Variants in ZNF292 observed in about 807,000 individuals in gnomAD.
ZNF292 encodes the protein zinc finger protein 292.
Under a neutral mutation model 217.9 loss-of-function variants are expected in ZNF292, and 26 were observed. The observed-to-expected ratio is 0.12, with a 90% CI of 0.09 to 0.17. The LOEUF (loss-of-function observed/expected upper bound fraction) is 0.17. Ranked by LOEUF, ZNF292 falls within the 10% of genes least tolerant of loss-of-function variation. The pLI, the probability that ZNF292 is intolerant of heterozygous loss-of-function variation, is 1.00. For synonymous variants in ZNF292, 1,257 were observed against 1,124.1 expected, an observed-to-expected ratio of 1.12 and a Z score of -2.37; for missense variants, 2,904 against 3,175.2, an observed-to-expected ratio of 0.91 and a Z score of 2.05.
intron 5 of ZNF292, chr6:87,233,761 C>T (rs1773765939): frequency 1.6e-6 from 1 of 637,864 alleles, no homozygotes; most frequent in Non-Finnish European, 2.0e-6. Context: ...AATGCTTTGG[C>T]TAAATTGTGG....
intron 5 of ZNF292, among the ~76,000 whole-genome samples, chr6:87,236,947 T>C (rs1773935649): frequency 6.6e-6 from 1 of 152,174 alleles, no homozygotes; most frequent in Admixed American, 6.5e-5. Flanking sequence ...TGTATCCTTG[T>C]GGGGAGTATA....
rs763878316 is a variant in ZNF292, at chr6:87,216,266, T to C, written c.324-33T>C. The C allele has an allele frequency of 2.6e-6, 4 of 1,521,988 alleles. No homozygotes were observed. In the South Asian group the frequency reaches 4.8e-5, roughly 18 times the overall value. 94.3% of individuals were successfully genotyped at this position (1,521,988 alleles called of 1,614,324 possible). A position where few individuals can be genotyped will look rare whatever the true frequency, so the allele number is the denominator to read the frequency against. On this transcript the variant is annotated intron_variant, in intron 2 of 7. Coordinates refer to ENST00000369577, the MANE Select transcript of ZNF292 (RefSeq NM_015021.3). ...ATAATTTCCTTTGAATTTTAATAAT[T>C]ATTCCTCTCCTTACCAACTTTTTGT...
At chr6:87,230,522 A>G (rs1261686819) in intron 4 of ZNF292, among the ~76,000 whole-genome samples, 1 of 152,142 alleles carries the variant, frequency 6.6e-6, no homozygotes, top group Admixed American at 6.5e-5. Flanking sequence ...TCACGAGGTC[A>G]GGATATCAAG....
intron 1 of ZNF292, among the ~76,000 whole-genome samples, chr6:87,161,695 C>T (rs931160990): frequency 7.2e-5 from 11 of 152,196 alleles, no homozygotes; most frequent in African/African-American, 2.7e-4. Flanking sequence ...GGACTATAGG[C>T]GTGAGCCACT....
At chr6:87,186,786 A>G (rs916041280) in intron 1 of ZNF292, among the ~76,000 whole-genome samples, 21 of 152,216 alleles carry the variant, frequency 1.4e-4, no homozygotes, top group Non-Finnish European at 2.6e-4. Flanking sequence ...AGGAAGGATA[A>G]TTTGGAGTGG....
intron 4 of ZNF292, among the ~76,000 whole-genome samples, chr6:87,227,436 G>T: frequency 6.7e-6 from 1 of 148,858 alleles, no homozygotes; most frequent in African/African-American, 2.5e-5. Context: ...ATTTTTAATT[G>T]TGGTAAAAAA....
intron 4 of ZNF292, among the ~76,000 whole-genome samples, chr6:87,225,193 T>C (rs1404210080): frequency 6.6e-6 from 1 of 152,200 alleles, no homozygotes; most frequent in Non-Finnish European, 1.5e-5. Flanking sequence ...TCTTGCCTAT[T>C]TCTTAATTGG....
At position 87,260,790 on chromosome 6, in the gene ZNF292, A is replaced by C. The variant is rs1775537436; in HGVS notation, c.7161A>C (p.Pro2387=). 2 of 1,613,262 alleles carry C rather than the reference A, an allele frequency of 1.2e-6. No homozygotes were observed. Among genetic ancestry groups the C allele is most frequent in the Non-Finnish European group, 8.5e-7 (1 of 1,179,540 alleles). Residue 2387 remains proline (P), a synonymous_variant, in exon 8 of 8, where the codon CCA becomes CCC. Coordinates refer to ENST00000369577, the MANE Select transcript of ZNF292 (RefSeq NM_015021.3). ...ECTSRFVTQY[P]CMIKGCTSVV... ...CAAGCAGATTTGTAACCCAGTATCC[A>C]TGTATGATAAAGGGATGTACTTCAG...
rs904754757 is a variant in ZNF292 at position 87,264,490 on chromosome 6, A to G, written c.*2689A>G. 2.6e-5 allele frequency among the ~76,000 whole-genome samples: 4 copies of G among 152,262 alleles called. No homozygotes were observed. The highest frequency in any genetic ancestry group is 9.6e-5 in the African/African-American group (4 of 41,472). ...GTTGCTGTAGATAATATGAAAGTAC[A>G]ATAATACTATACCTAGGGACATCAG... On this transcript the variant is annotated 3_prime_UTR_variant, in exon 8 of 8. Transcript: ENST00000369577.
At chr6:87,204,903 G>C (rs1176616832) in intron 1 of ZNF292, among the ~76,000 whole-genome samples, 1 of 151,850 alleles carries the variant, frequency 6.6e-6, no homozygotes, top group Non-Finnish European at 1.5e-5. Flanking sequence ...GTCTGAGATT[G>C]GCCTGTGATT....
At position 87,257,799 on chromosome 6, in the gene ZNF292, G is replaced by T; in HGVS notation, c.4170G>T (p.Leu1390=). The T allele has an allele frequency of 6.2e-7, 1 of 1,613,844 alleles. No homozygotes were observed. The highest frequency in any genetic ancestry group is 8.5e-7 in the Non-Finnish European group (1 of 1,179,812). ...CYRAFTNPRS[L]GGHLSKRSYC... ...GGGCTTTTACTAATCCCAGATCACTGGGTGGGCACTTATCCAAGCGATCTT... is the reference window on the plus strand; with the variant it reads ...GGGCTTTTACTAATCCCAGATCACTTGGTGGGCACTTATCCAAGCGATCTT... Residue 1390 remains leucine (L), a synonymous_variant, in exon 8 of 8, where the codon CTG becomes CTT. Coordinates refer to ENST00000369577, the MANE Select transcript of ZNF292 (RefSeq NM_015021.3).
chr6:87,232,855 T>C (rs1178342481), intron 4 of ZNF292, among the ~76,000 whole-genome samples: 1 of 152,114 alleles, frequency 6.6e-6, no homozygotes, highest in Non-Finnish European at 1.5e-5. Context: ...ATGAAAAATA[T>C]ACCATCAGTA....
At position 87,218,685 on chromosome 6, in the gene ZNF292, G is replaced by A. The variant is rs752923565; in HGVS notation, c.492G>A (p.Pro164=). 2.6e-5 allele frequency: 41 copies of A among 1,597,086 alleles called. No homozygotes were observed. The highest frequency in any genetic ancestry group is 4.0e-5 in the African/African-American group (3 of 74,326). The change falls in exon 4 of 8, where the codon CCG becomes CCA. Residue 164 remains proline, a synonymous_variant. Coordinates refer to ENST00000369577, the MANE Select transcript of ZNF292 (RefSeq NM_015021.3). The part of the protein sequence containing the change: ...LAQETGVWKN[P]VLCTILSQEP... ...AAGAGACTGGGGTGTGGAAAAACCC[G>A]GTACTGTGCACTATTCTTTCCCAGG...
At chr6:87,204,849 C>T (rs1000046648) in intron 1 of ZNF292, among the ~76,000 whole-genome samples, 1 of 152,086 alleles carries the variant, frequency 6.6e-6, no homozygotes, top group African/African-American at 2.4e-5. Flanking sequence ...CAGGCGTGAA[C>T]CACTGCGCCT....
At chr6:87,226,719 G>A (rs557624982) in intron 4 of ZNF292, among the ~76,000 whole-genome samples, 3 of 148,182 alleles carry the variant, frequency 2.0e-5, no homozygotes, top group Admixed American at 6.7e-5. Flanking sequence ...TCCCTCTGTC[G>A]CCCAAGCTGG....
At chr6:87,253,367 T>G (rs1465664096) in intron 7 of ZNF292, among the ~76,000 whole-genome samples, 1 of 151,872 alleles carries the variant, frequency 6.6e-6, no homozygotes, top group Non-Finnish European at 1.5e-5. Flanking sequence ...TAGCTGGGAC[T>G]ACAGCTGCAT....
intron 5 of ZNF292, among the ~76,000 whole-genome samples, chr6:87,238,660 TTTTA>T (rs1488940477): frequency 6.6e-6 from 1 of 151,264 alleles, no homozygotes; most frequent in African/African-American, 2.4e-5. Flanking sequence ...TTTTTTATTT[TTTTA>T]TTTCTTTTTG....
rs35541349 is a variant in ZNF292, at chr6:87,261,934, GA to G, written c.*143del. 307 of 539,276 alleles carry G rather than the reference GA, an allele frequency of 5.7e-4. 1 individual carries two copies. Among genetic ancestry groups the G allele is most frequent in the Admixed American group, 2.7e-3 (66 of 24,450 alleles). 33.4% of individuals were successfully genotyped at this position (539,276 alleles called of 1,614,324 possible). A position where few individuals can be genotyped will look rare whatever the true frequency, so the allele number is the denominator to read the frequency against. Reference sequence around the variant, plus strand: ...AATTAACCTGGCCAAAAACAAAAAAGAAAAAAAAAACATGACATTTGTCATG... The same window carrying G: ...AATTAACCTGGCCAAAAACAAAAAAGAAAAAAAAACATGACATTTGTCATG... On this transcript the variant is annotated 3_prime_UTR_variant, in exon 8 of 8. Transcript: ENST00000369577.
chr6:87,223,190 C>T (rs9351121), intron 4 of ZNF292: 17,986 of 155,700 alleles, frequency 0.12, 1,160 homozygotes, highest in African/African-American at 0.17. Flanking sequence ...AAGCGATTCT[C>T]CCACCTCAGC....
Sources: allele counts gnomAD v4.1 joint callset (sites outside exome capture counted in the v4.1 genomes callset), GRCh38; gene constraint gnomAD v4.1.1; transcripts MANE v1.5; gene names NCBI Gene and HGNC (gene_info 2026-07-23, HGNC 2026-07-21).